FRK: variants seen among roughly 807,000 people sequenced by gnomAD.
The protein encoded by FRK is fyn related Src family tyrosine kinase, also known as tyrosine-protein kinase FRK.
A neutral mutation model predicts 56.4 loss-of-function variants in FRK; 51 were observed. The ratio of observed to expected loss-of-function variants is 0.90; its 90% CI spans 0.72 to 1.14. The LOEUF is 1.14. Ranked by LOEUF, FRK falls within the 50% of genes most tolerant of loss-of-function variation. The pLI is 0.00. For synonymous variants in FRK, 245 were observed against 217.9 expected (o/e 1.12, Z -1.10); for missense variants, 570 against 601.4 (o/e 0.95, Z 0.55).
chr6:116,019,875 A>G (rs1775800131), intron 1 of FRK, among the ~76,000 whole-genome samples: 1 of 152,220 alleles, frequency 6.6e-6, no homozygotes, highest in South Asian at 2.1e-4. Flanking sequence ...ATGTTCCTGT[A>G]GAATAACAGA....
intron 2 of FRK, among the ~76,000 whole-genome samples, chr6:116,001,476 C>T (rs1293575504): frequency 6.6e-6 from 1 of 152,130 alleles, no homozygotes; most frequent in African/African-American, 2.4e-5. Flanking sequence ...ACCAAGGGTC[C>T]ATTTGCTGAT....
intron 2 of FRK, among the ~76,000 whole-genome samples, chr6:115,979,638 C>T (rs906348814): frequency 1.4e-4 from 21 of 152,184 alleles, no homozygotes; most frequent in African/African-American, 4.6e-4. Flanking sequence ...ACTGACACAC[C>T]CAGGGTCCTG....
intron 2 of FRK, among the ~76,000 whole-genome samples, chr6:115,973,566 T>A (rs1413109386): frequency 6.6e-6 from 1 of 151,906 alleles, no homozygotes; most frequent in African/African-American, 2.4e-5. Context: ...TGTTTAAAAA[T>A]TTTTAAAAAA....
intron 1 of FRK, among the ~76,000 whole-genome samples, chr6:116,014,832 T>C (rs1775589985): frequency 6.6e-6 from 1 of 152,198 alleles, no homozygotes; most frequent in Non-Finnish European, 1.5e-5. Context: ...AATTCTTCCA[T>C]GACTAGAAAC....
intron 5 of FRK, among the ~76,000 whole-genome samples, chr6:115,949,817 G>A (rs978850778): frequency 6.2e-4 from 95 of 152,104 alleles, no homozygotes; most frequent in Non-Finnish European, 2.5e-4. Context: ...CAGCATGGTA[G>A]TGGTACCAAA....
chr6:116,021,792 T>C (rs1210535373), intron 1 of FRK, among the ~76,000 whole-genome samples: 2 of 151,734 alleles, frequency 1.3e-5, no homozygotes, highest in South Asian at 2.1e-4. Flanking sequence ...AAAGAACAAA[T>C]TAAACCTAGA....
intron 5 of FRK, among the ~76,000 whole-genome samples, chr6:115,947,958 A>G (rs1772533824): frequency 6.6e-6 from 1 of 152,210 alleles, no homozygotes; most frequent in African/African-American, 2.4e-5. Context: ...CCCAGTTACC[A>G]GTACCTCCTG....
chr6:116,083,420 G>A, the FRK span, among the ~76,000 whole-genome samples: 1 of 152,190 alleles, frequency 6.6e-6, no homozygotes, highest in Non-Finnish European at 1.5e-5. Context: ...TTGTATGATG[G>A]TGAGAATGAT....
chr6:116,054,871 T>C (rs1253545953), intron 1 of FRK, among the ~76,000 whole-genome samples: 1 of 152,078 alleles, frequency 6.6e-6, no homozygotes, highest in Non-Finnish European at 1.5e-5. Context: ...ATGAATATTC[T>C]GATGACTTTT....
intron 2 of FRK, among the ~76,000 whole-genome samples, chr6:115,994,534 C>A (rs183470130): frequency 3.3e-5 from 5 of 152,072 alleles, no homozygotes; most frequent in Admixed American, 3.3e-4. Context: ...TATGATTTTG[C>A]CAGAAAAAGA....
At chr6:115,997,322 A>T (rs1015571049) in intron 2 of FRK, among the ~76,000 whole-genome samples, 1 of 152,124 alleles carries the variant, frequency 6.6e-6, no homozygotes, top group Non-Finnish European at 1.5e-5. Flanking sequence ...CTTCACAGTG[A>T]TCACAAACTA....
chr6:115,958,697 AAAGAAAGAAG>A (rs1773149456), intron 4 of FRK, among the ~76,000 whole-genome samples: 1 of 5,422 alleles, frequency 1.8e-4, no homozygotes, highest in Non-Finnish European at 3.4e-4. Context: ...AGAAAGAAAG[AAAGAAAGAAG>A]AAAGAAAGAA....
At position 116,022,729 on chromosome 6, in the gene FRK, C is replaced by T. The variant is rs937019440; in HGVS notation, c.345-18731G>A. 2.0e-5 allele frequency among the ~76,000 whole-genome samples: 3 copies of T among 152,266 alleles called. No individual in the cohort carries two copies. In the South Asian group the frequency reaches 6.2e-4, roughly 32 times the overall value. The stretch of plus-strand genomic sequence containing the variant: ...TACTCAATGGTAAACTAAGAACAGA[C>T]AAGAGCTACAAGCAGTTTTATATAC... On this transcript the variant is annotated intron_variant, in intron 1 of 7. Coordinates refer to ENST00000606080, the MANE Select transcript of FRK (RefSeq NM_002031.3).
At chr6:116,093,216 G>T in the FRK span, among the ~76,000 whole-genome samples, 1 of 151,948 alleles carries the variant, frequency 6.6e-6, no homozygotes, top group Non-Finnish European at 1.5e-5. Context: ...AATCTCCCCT[G>T]CCCAGAAGGA....
chr6:115,981,175 C>T (rs368301894), intron 2 of FRK, among the ~76,000 whole-genome samples: 29 of 152,064 alleles, frequency 1.9e-4, no homozygotes, highest in African/African-American at 6.5e-4. Context: ...TTTGAAGCTT[C>T]GAATTATGAG....
intron 1 of FRK, among the ~76,000 whole-genome samples, chr6:116,056,346 G>A (rs538508074): frequency 7.2e-5 from 11 of 151,820 alleles, no homozygotes; most frequent in South Asian, 2.1e-4. Context: ...TCACTCTCTC[G>A]AGTAGCTGGG....
At chr6:115,958,779 G>GA (rs1554225883) in intron 4 of FRK, among the ~76,000 whole-genome samples, 1 of 82,586 alleles carries the variant, frequency 1.2e-5, no homozygotes, top group Non-Finnish European at 2.3e-5. Flanking sequence ...GGGGGGGGAA[G>GA]GAGAGAGAGA....
At position 115,956,604 on chromosome 6, in the gene FRK, A is replaced by C; in HGVS notation, c.806T>G (p.Met269Arg). 6.4e-7 allele frequency: 1 copy of C among 1,550,812 alleles called. No homozygotes were observed. The highest frequency in any genetic ancestry group is 1.3e-5 in the South Asian group (1 of 77,280). Reference sequence around the variant, plus strand: ...CTCCCTCAGGAAGTCATTTGGATCCATTGAACCTGAAACAAGAAGAGGGAG... The same window carrying C: ...CTCCCTCAGGAAGTCATTTGGATCCCTTGAACCTGAAACAAGAAGAGGGAG... ...VAVKTLKPGS[M>R]DPNDFLREAQ... The change falls in exon 5 of 8, where the codon ATG (methionine) becomes AGG (arginine). Residue 269 changes from methionine (M) to arginine (R), a missense_variant. Physicochemically the swap from Met to Arg is moderately conservative, Grantham distance 91. Transcript: ENST00000606080.
At chr6:116,015,522 G>A (rs1350605985) in intron 1 of FRK, among the ~76,000 whole-genome samples, 1 of 152,220 alleles carries the variant, frequency 6.6e-6, no homozygotes, top group Non-Finnish European at 1.5e-5. Flanking sequence ...AAATGTGGAA[G>A]CAACTTTGGA....
Sources: allele counts gnomAD v4.1 joint callset (sites outside exome capture counted in the v4.1 genomes callset), GRCh38; gene constraint gnomAD v4.1.1; transcripts MANE v1.5; gene names NCBI Gene and HGNC (gene_info 2026-07-23, HGNC 2026-07-21).